The following SIPA1L2 variants were observed in gnomAD, a reference collection of about 807,000 sequenced individuals.
SIPA1L2 encodes the protein signal induced proliferation associated 1 like 2.
A neutral mutation model predicts 163.9 loss-of-function variants in SIPA1L2; 56 were observed. That is an observed-to-expected ratio of 0.34 (90% CI 0.28 to 0.43). The LOEUF is 0.43. Ranked by LOEUF, SIPA1L2 falls within the 20% of genes least tolerant of loss-of-function variation. The pLI, the probability that SIPA1L2 is intolerant of heterozygous loss-of-function variation, is 1.00. For missense variants in SIPA1L2, 1,974 were observed against 2,193.5 expected (o/e 0.90, Z 2.00); for synonymous variants, 877 against 865.7 (o/e 1.01, Z -0.23).
chr1:232,565,522 T>C (rs528542941), intron 2 of SIPA1L2, among the ~76,000 whole-genome samples: 1 of 152,344 alleles, frequency 6.6e-6, no homozygotes, highest in South Asian at 2.1e-4. Flanking sequence ...CAAGAGGAGC[T>C]GCTTTATACA....
chr1:232,527,981 A>G (rs1332704218), intron 2 of SIPA1L2, among the ~76,000 whole-genome samples: 1 of 150,414 alleles, frequency 6.6e-6, no homozygotes, highest in Non-Finnish European at 1.5e-5. Flanking sequence ...AAGTTAATGA[A>G]TAAGAGTTGG....
intron 2 of SIPA1L2, among the ~76,000 whole-genome samples, chr1:232,567,885 A>T (rs1659494639): frequency 6.6e-6 from 1 of 152,220 alleles, no homozygotes; most frequent in Non-Finnish European, 1.5e-5. Flanking sequence ...GGTTAATTTG[A>T]TCACCAATGG....
chr1:232,591,850 C>T (rs1416072963), intron 1 of SIPA1L2, among the ~76,000 whole-genome samples: 1 of 152,166 alleles, frequency 6.6e-6, no homozygotes, highest in Non-Finnish European at 1.5e-5. Flanking sequence ...TCTTGTTCCT[C>T]ACTTCTTATG....
Position 232,514,731 on chromosome 1 carries a change from T to C in SIPA1L2, c.609A>G (p.Leu203=), listed in dbSNP as rs1232465936. 3.1e-6 allele frequency: 5 copies of C among 1,614,216 alleles called. No homozygotes were observed. The highest frequency in any genetic ancestry group is 4.2e-6 in the Non-Finnish European group (5 of 1,180,026). ...GCATAGCAAAAAAGTTTTCACCAGA[T>C]AAGCCTTGCCTGTCGATGGATGAAG... ...GSTSSIDRQG[L]SGENFFAMLR... is the part of the protein sequence containing the mutation. Residue 203 remains leucine, a synonymous_variant, in exon 3 of 23, where the codon TTA becomes TTG. Transcript: ENST00000674635.
chr1:232,423,852 G>A lies in SIPA1L2; in HGVS notation c.4630+1737C>T, dbSNP rs192004850. 7.0e-4 allele frequency among the ~76,000 whole-genome samples: 106 copies of A among 152,294 alleles called. 1 individual carries two copies. The highest frequency in any genetic ancestry group is 1.1e-3 in the Non-Finnish European group (74 of 68,020). ...TGAAAAGACATGGAGGAAGTTGAAT[G>A]CTTATTACTAAGTAGAAGAGGCCAG... is the stretch of plus-strand genomic sequence containing the variant. On this transcript the variant is annotated intron_variant, in intron 18 of 22. Transcript: ENST00000674635.
rs116027328 is a variant in SIPA1L2, at chr1:232,518,946, T to C, written c.-269-3338A>G. Among the ~76,000 whole-genome samples the C allele has an allele frequency of 4.9e-3, 743 of 152,320 alleles. 3 individuals are homozygous for C. The highest frequency in any genetic ancestry group is 0.014 in the Middle Eastern group (4 of 294). ...TTTAAATGAAAAATTCTGGTGGTTATAGGAATATATTTTACAATATATTGT... is the reference window on the plus strand; with the variant it reads ...TTTAAATGAAAAATTCTGGTGGTTACAGGAATATATTTTACAATATATTGT... On this transcript the variant is annotated intron_variant, in intron 2 of 22. Transcript: ENST00000674635.
At chr1:232,525,860 C>T (rs187103747) in intron 2 of SIPA1L2, among the ~76,000 whole-genome samples, 71 of 152,252 alleles carry the variant, frequency 4.7e-4, no homozygotes, top group Admixed American at 7.8e-4. Context: ...CACCACCTGA[C>T]ACCTGAGCAA....
intron 1 of SIPA1L2, among the ~76,000 whole-genome samples, chr1:232,621,702 T>C (rs1662820231): frequency 6.6e-6 from 1 of 152,096 alleles, no homozygotes; most frequent in Admixed American, 6.6e-5. Context: ...TAAATCAACA[T>C]TAGTCTCCTT....
At chr1:232,488,480 C>T (rs1665759956) in intron 5 of SIPA1L2, among the ~76,000 whole-genome samples, 1 of 152,140 alleles carries the variant, frequency 6.6e-6, no homozygotes, top group African/African-American at 2.4e-5. Context: ...TAAAGATGAA[C>T]ATAAACAGTA....
rs562209792 is a variant in SIPA1L2 at position 232,519,420 on chromosome 1, C to T, written c.-269-3812G>A. ...CTTCCTGGGGCTCTGGATGCCTGCC[C>T]GTGAATGGTACCACTCCAAAACTGG... On this transcript the variant is annotated intron_variant, in intron 2 of 22. Transcript: ENST00000674635. 2.0e-5 allele frequency among the ~76,000 whole-genome samples: 3 copies of T among 151,286 alleles called. No individual in the cohort carries two copies. In the East Asian group the frequency reaches 5.8e-4, roughly 29 times the overall value.
intron 19 of SIPA1L2, among the ~76,000 whole-genome samples, chr1:232,408,528 A>G (rs1435965818): frequency 1.3e-5 from 2 of 152,200 alleles, no homozygotes; most frequent in African/African-American, 4.8e-5. Context: ...TAATGATACC[A>G]GCTGTGAGTA....
intron 1 of SIPA1L2, among the ~76,000 whole-genome samples, chr1:232,610,630 C>T (rs1256158549): frequency 6.6e-6 from 1 of 152,220 alleles, no homozygotes; most frequent in Admixed American, 6.5e-5. Context: ...ACCCCCTCCA[C>T]ATACACACAT....
At chr1:232,543,629 G>C (rs1316281691) in intron 2 of SIPA1L2, among the ~76,000 whole-genome samples, 2 of 152,164 alleles carry the variant, frequency 1.3e-5, no homozygotes, top group South Asian at 2.1e-4. Context: ...AAGGCTTTGC[G>C]AGGCTGAGGA....
At chr1:232,462,246 C>G in intron 9 of SIPA1L2, 1 of 1,550,874 alleles carries the variant, frequency 6.4e-7, no homozygotes, top group Non-Finnish European at 8.7e-7. Flanking sequence ...AAGTATCACC[C>G]GATGACTATG....
chr1:232,570,337 T>A (rs2781792), intron 2 of SIPA1L2, among the ~76,000 whole-genome samples: 13,801 of 152,258 alleles, frequency 0.091, 677 homozygotes, highest in South Asian at 0.11. Flanking sequence ...CATCAAATGG[T>A]AAAATCATCT....
chr1:232,425,787 A>G lies in SIPA1L2; in HGVS notation c.4432T>C (p.Ser1478Pro). The G allele has an allele frequency of 6.2e-7, 1 of 1,613,934 alleles. No individual in the cohort carries two copies. Among genetic ancestry groups the G allele is most frequent in the South Asian group, 1.1e-5 (1 of 91,018 alleles). Residue 1478 changes from serine to proline, a missense_variant, in exon 18 of 23, where the codon TCT becomes CCT. Ser to Pro is a moderately conservative substitution (Grantham distance 74). This residue lies in a region of SIPA1L2 where 1,079 missense variants were observed against 1,150.7 expected (regional missense o/e 0.94). Coordinates refer to ENST00000674635, the MANE Select transcript of SIPA1L2 (RefSeq NM_020808.5). ...GTGCGGTAAAGCGACCTCCTTGGAGACAGGTTCCCATAGAACGAAAACTAG... is the reference window on the plus strand; with the variant it reads ...GTGCGGTAAAGCGACCTCCTTGGAGGCAGGTTCCCATAGAACGAAAACTAG... ...RRKFSFYGNL[S>P]PRRSLYRTLS... is the part of the protein sequence containing the mutation.
chr1:232,423,143 G>C (rs1378960511), intron 18 of SIPA1L2, among the ~76,000 whole-genome samples: 1 of 152,198 alleles, frequency 6.6e-6, no homozygotes, highest in African/African-American at 2.4e-5. Context: ...ATAGTGTATT[G>C]TGTTGCAAGA....
chr1:232,598,237 TAAA>T (rs10536551), intron 1 of SIPA1L2, among the ~76,000 whole-genome samples: 6 of 98,438 alleles, frequency 6.1e-5, no homozygotes, highest in Admixed American at 2.0e-4. Flanking sequence ...CCCTGTCTGT[TAAA>T]AAAAAAAAAA....
intron 10 of SIPA1L2, among the ~76,000 whole-genome samples, chr1:232,448,712 G>C (rs558791419): frequency 6.6e-6 from 1 of 152,170 alleles, no homozygotes; most frequent in African/African-American, 2.4e-5. Context: ...AATGGTGCAG[G>C]GACGGTAAGC....
Sources: allele counts gnomAD v4.1 joint callset (sites outside exome capture counted in the v4.1 genomes callset), GRCh38; gene constraint gnomAD v4.1.1; regional missense constraint gnomAD v4.1.1; transcripts MANE v1.5; gene names NCBI Gene and HGNC (gene_info 2026-07-23, HGNC 2026-07-21).